The following PWWP2B variants were observed in gnomAD, a reference collection of about 807,000 sequenced individuals.
The protein encoded by PWWP2B is PWWP domain-containing protein 2B.
Under a neutral mutation model 15.5 loss-of-function variants are expected in PWWP2B, and 9 were observed. That is an observed-to-expected ratio of 0.58 (90% CI 0.35 to 1.02). PWWP2B has a LOEUF of 1.02. Among genes scored for constraint, PWWP2B ranks in the 50% least tolerant of loss-of-function variants. The probability of loss-of-function intolerance (pLI) is 0.02; values close to 1 mark genes in which losing one functional copy is unlikely to be tolerated. For missense variants in PWWP2B, 864 were observed against 865.3 expected (o/e 1.00, Z 0.02); for synonymous variants, 474 against 403.6 (o/e 1.17, Z -2.09).
Position 132,405,574 on chromosome 10 carries a change from C to T in PWWP2B, c.1074C>T (p.Asn358=), listed in dbSNP as rs752984735. ...GGGCCGAGCTGGTGGGGGAGCTGAA[C>T]GGGTACCTGCGGGACAGCTCGCCGG... ...VYRAELVGEL[N]GYLRDSSPAP... The change falls in exon 2 of 3, where the codon AAC becomes AAT. Residue 358 remains asparagine, a synonymous_variant. Transcript: ENST00000305233. The T allele has an allele frequency of 4.7e-5, 76 of 1,608,016 alleles. 1 individual carries two copies. Among genetic ancestry groups the T allele is most frequent in the South Asian group, 3.4e-4 (31 of 91,014 alleles).
chr10:132,407,086 C>G (rs2069711165), intron 2 of PWWP2B, among the ~76,000 whole-genome samples: 1 of 152,128 alleles, frequency 6.6e-6, no homozygotes, highest in Non-Finnish European at 1.5e-5. Flanking sequence ...CCTTGTGGGG[C>G]TGGGGGCACC....
intron 1 of PWWP2B, 44 bp from the exon 2 acceptor site, chr10:132,404,582 G>C (rs764463231): frequency 6.4e-7 from 1 of 1,553,094 alleles, no homozygotes; most frequent in Non-Finnish European, 8.9e-7. Flanking sequence ...TGGCAGATGT[G>C]CCAGGGTCCC....
In PWWP2B at chr10:132,397,336, TG is replaced by T; in HGVS notation, c.112del (p.Asp38ThrfsTer40). Reference sequence around the variant, plus strand: ...GAGCGGAGCTTCGCGGGGATCCTGCTGGACTGCACGAAAAAGTGAGCGGGGG... The same window carrying T: ...GAGCGGAGCTTCGCGGGGATCCTGCTGACTGCACGAAAAAGTGAGCGGGGG... ...CGERSFAGILLDCTKKSGLFG... is the reference protein window; with the variant it reads ...CGERSFAGILXDCTKKSGLFG... On this transcript the variant is annotated frameshift_variant, in exon 1 of 3. Coordinates refer to ENST00000305233, the MANE Select transcript of PWWP2B (RefSeq NM_138499.4). LOFTEE classifies it high-confidence loss of function. 1 of 1,386,946 alleles carries T rather than the reference TG, an allele frequency of 7.2e-7. No homozygotes were observed. The highest frequency in any genetic ancestry group is 9.4e-7 in the Non-Finnish European group (1 of 1,062,094). 85.9% of individuals were successfully genotyped at this position (1,386,946 alleles called of 1,614,324 possible).
Position 132,404,728 on chromosome 10 carries a change from G to A in PWWP2B, c.228G>A (p.Glu76=). Residue 76 remains glutamate (E), a synonymous_variant, in exon 2 of 3, where the codon GAG becomes GAA. Transcript: ENST00000305233. ...GGGCTCCCGAGGAGGGGGATGCAGA[G>A]GTGATGCAGCTGGGGTCCAGCTCCC... is the stretch of plus-strand genomic sequence containing the variant. ...HGRAPEEGDA[E]VMQLGSSSPP... 6.2e-7 allele frequency: 1 copy of A among 1,610,646 alleles called. No homozygotes were observed. Among genetic ancestry groups the A allele is most frequent in the Non-Finnish European group, 8.5e-7 (1 of 1,179,176 alleles).
chr10:132,404,084 T>TCCTGTAGGACGGCATTCTG (rs1564873101), intron 1 of PWWP2B, among the ~76,000 whole-genome samples: 1 of 94,858 alleles, frequency 1.1e-5, no homozygotes, highest in African/African-American at 4.3e-5. Context: ...ACGGCATTCT[T>TCCTGTAGGACGGCATTCTG]CTGGGCTCCT....
At position 132,405,878 on chromosome 10, in the gene PWWP2B, G is replaced by A; in HGVS notation, c.1378G>A (p.Glu460Lys). Residue 460 changes from glutamate to lysine, a missense_variant, in exon 2 of 3, where the codon GAG becomes AAG. Transcript: ENST00000305233. ...CGCGTCAGCGCCCTCGGTGTCCAGA[G>A]AGGCTCGCCAAACGGTGCCGCCCCT... is the stretch of plus-strand genomic sequence containing the variant. ...HGASAPSVSREARQTVPPLTV... is the reference protein window; with the variant it reads ...HGASAPSVSRKARQTVPPLTV... 1 of 1,611,550 alleles carries A rather than the reference G, an allele frequency of 6.2e-7. No individual in the cohort carries two copies. Among genetic ancestry groups the A allele is most frequent in the Non-Finnish European group, 8.5e-7 (1 of 1,179,128 alleles).
chr10:132,405,073 C>A lies in PWWP2B; in HGVS notation c.573C>A (p.Ser191Arg), dbSNP rs1195928174. The A allele has an allele frequency of 6.6e-7, 1 of 1,525,614 alleles. No homozygotes were observed. 94.5% of individuals were successfully genotyped at this position (1,525,614 alleles called of 1,614,324 possible). A position where few individuals can be genotyped will look rare whatever the true frequency, so the allele number is the denominator to read the frequency against. Reference sequence around the variant, plus strand: ...GCACGCTGAGCCCCCCGGAGGCCAGCCCCGGACCCCCAGCCGCGCCCAGGG... The same window carrying A: ...GCACGCTGAGCCCCCCGGAGGCCAGACCCGGACCCCCAGCCGCGCCCAGGG... ...CKSTLSPPEA[S>R]PGPPAAPRAR... The change falls in exon 2 of 3, where the codon AGC (serine) becomes AGA (arginine). Residue 191 changes from serine to arginine, a missense_variant. Ser to Arg is a moderately radical substitution (Grantham distance 110). This residue lies in a region of PWWP2B where 736 missense variants were observed against 687.7 expected (regional missense o/e 1.07). Transcript: ENST00000305233.
chr10:132,404,126 G>A (rs1201966812), intron 1 of PWWP2B, among the ~76,000 whole-genome samples: 1 of 151,754 alleles, frequency 6.6e-6, no homozygotes, highest in Non-Finnish European at 1.5e-5. Context: ...CTTGCTTTGG[G>A]GGTTGAAGCG....
At chr10:132,408,724 A>G (rs7083445) in intron 2 of PWWP2B, among the ~76,000 whole-genome samples, 144,066 of 152,354 alleles carry the variant, frequency 0.95, 68,198 homozygotes, top group East Asian at 1. Flanking sequence ...CGCAGGCACC[A>G]CGAGATCGGC....
At chr10:132,404,181 C>T (rs1002000030) in intron 1 of PWWP2B, among the ~76,000 whole-genome samples, 13 of 152,168 alleles carry the variant, frequency 8.5e-5, no homozygotes, top group East Asian at 3.9e-4. Context: ...CCCAGCCCCT[C>T]GGAGAGGAGG....
rs180832236 is a variant in PWWP2B, at chr10:132,407,351, C to G, written c.*16+1062C>G. Among the ~76,000 whole-genome samples the G allele has an allele frequency of 2.7e-4, 41 of 152,306 alleles. No individual in the cohort carries two copies. The East Asian group carries it at 7.7e-3, about 29-fold the overall frequency. On this transcript the variant is annotated intron_variant, in intron 2 of 2. Coordinates refer to ENST00000305233, the MANE Select transcript of PWWP2B (RefSeq NM_138499.4). ...CCCATGGATGCAGAGATTCCAGGGCCAGGGGCTGTACGCAGAGGGCAGGGG... is the reference window on the plus strand; with the variant it reads ...CCCATGGATGCAGAGATTCCAGGGCGAGGGGCTGTACGCAGAGGGCAGGGG...
chr10:132,402,958 G>A (rs1012377296), intron 1 of PWWP2B, among the ~76,000 whole-genome samples: 9 of 152,350 alleles, frequency 5.9e-5, no homozygotes, highest in African/African-American at 2.2e-4. Context: ...CGGTCCTGGC[G>A]CCAGCACCTG....
chr10:132,406,178 A>T lies in PWWP2B; in HGVS notation c.1678A>T (p.Lys560Ter), dbSNP rs2069696133. The change falls in exon 2 of 3, where the codon AAG (lysine) becomes TAG (stop). Residue 560 changes from lysine to a stop codon, truncating the protein, a stop_gained. Coordinates refer to ENST00000305233, the MANE Select transcript of PWWP2B (RefSeq NM_138499.4). LOFTEE classifies it low-confidence loss of function (END_TRUNC). ...CAAACTGAGATTTAATCGTAAGAAG[A>T]AGGGGATGTATCGGAAAGCTATAAC... is the stretch of plus-strand genomic sequence containing the variant. The part of the protein sequence containing the change: ...FFKLRFNRKK[K>*]GMYRKAITEA... 6.2e-7 allele frequency: 1 copy of T among 1,613,416 alleles called. No homozygotes were observed. Among genetic ancestry groups the T allele is most frequent in the Non-Finnish European group, 8.5e-7 (1 of 1,180,010 alleles).
chr10:132,405,674 A>G lies in PWWP2B; in HGVS notation c.1174A>G (p.Lys392Glu), dbSNP rs369865653. 5 of 1,612,296 alleles carry G rather than the reference A, an allele frequency of 3.1e-6. No individual in the cohort carries two copies. In the African/African-American group the frequency reaches 4.0e-5, roughly 13 times the overall value. Residue 392 changes from lysine to glutamate, a missense_variant, in exon 2 of 3, where the codon AAG becomes GAG. Around this residue, in one of 2 missense-constraint regions of PWWP2B, gnomAD observed 736 missense variants for 687.7 expected, o/e 1.07. Coordinates refer to ENST00000305233, the MANE Select transcript of PWWP2B (RefSeq NM_138499.4). ...AAGTTCGGGTGAGGACGATGACTTCAAGAGCTGTCCCCAGGGTCCACAGGG... is the reference window on the plus strand; with the variant it reads ...AAGTTCGGGTGAGGACGATGACTTCGAGAGCTGTCCCCAGGGTCCACAGGG... ...SGSSGEDDDF[K>E]SCPQGPQGRE...
intron 1 of PWWP2B, among the ~76,000 whole-genome samples, chr10:132,401,952 T>C (rs148700798): frequency 6.6e-6 from 1 of 152,036 alleles, no homozygotes; most frequent in African/African-American, 2.4e-5. Flanking sequence ...TCCCACCCTG[T>C]TTACCCACCA....
At chr10:132,404,386 C>T (rs544496034) in intron 1 of PWWP2B, among the ~76,000 whole-genome samples, 9 of 152,278 alleles carry the variant, frequency 5.9e-5, no homozygotes, top group African/African-American at 1.9e-4. Flanking sequence ...GCTGACCTCC[C>T]GGCCATATGC....
In PWWP2B at chr10:132,406,063, G is replaced by A. The variant is rs753561412; in HGVS notation, c.1563G>A (p.Pro521=). 3.2e-5 allele frequency: 51 copies of A among 1,613,516 alleles called. No individual in the cohort carries two copies. The highest frequency in any genetic ancestry group is 5.0e-5 in the Admixed American group (3 of 60,004). The change falls in exon 2 of 3, where the codon CCG becomes CCA. Residue 521 remains proline (P), a synonymous_variant. Transcript: ENST00000305233. Reference sequence around the variant, plus strand: ...TCGGCCAGAAGGAGGACGGAGAGCCGTCTTGGCGAGAAGCGAAGGTCTCGT... The same window carrying A: ...TCGGCCAGAAGGAGGACGGAGAGCCATCTTGGCGAGAAGCGAAGGTCTCGT... ...ISLGQKEDGE[P]SWREAKVSWF...
chr10:132,413,772 T>TG (rs1434520190), intron 2 of PWWP2B, among the ~76,000 whole-genome samples: 1 of 152,190 alleles, frequency 6.6e-6, no homozygotes, highest in Non-Finnish European at 1.5e-5. Flanking sequence ...CCCAACTCCC[T>TG]GGGGGGACTC....
At position 132,405,224 on chromosome 10, in the gene PWWP2B, G is replaced by T; in HGVS notation, c.724G>T (p.Ala242Ser). The part of the protein sequence containing the change: ...SKRERREEDR[A>S]PAEQVPRSPV... ...GAGGGAGAGGCGCGAGGAGGACAGG[G>T]CCCCGGCAGAGCAGGTCCCGCGGAG... The change falls in exon 2 of 3, where the codon GCC becomes TCC. Residue 242 changes from alanine to serine, a missense_variant. Transcript: ENST00000305233. The T allele has an allele frequency of 6.2e-7, 1 of 1,600,438 alleles. No homozygotes were observed. Among genetic ancestry groups the T allele is most frequent in the African/African-American group, 1.3e-5 (1 of 74,734 alleles).
Sources: allele counts gnomAD v4.1 joint callset (sites outside exome capture counted in the v4.1 genomes callset), GRCh38; gene constraint gnomAD v4.1.1; regional missense constraint gnomAD v4.1.1; transcripts MANE v1.5; gene names NCBI Gene and HGNC (gene_info 2026-07-23, HGNC 2026-07-21).